The following MPHOSPH10 variants were observed in gnomAD, a reference collection of about 807,000 sequenced individuals.
The protein encoded by MPHOSPH10 is U3 small nucleolar ribonucleoprotein MPP10.
MPHOSPH10 carries 33 observed loss-of-function variants against 77.3 expected under a neutral mutation model. The observed-to-expected ratio is 0.43, with a 90% CI of 0.32 to 0.57. MPHOSPH10 has a LOEUF of 0.57. MPHOSPH10 is among the 20% of genes least tolerant of loss of function. MPHOSPH10 has a pLI of 0.07. For synonymous variants in MPHOSPH10, 245 were observed against 268.0 expected, an observed-to-expected ratio of 0.91 and a Z score of 0.84; for missense variants, 708 against 780.1, an observed-to-expected ratio of 0.91 and a Z score of 1.10.
chr2:71,148,445 C>T, intron 9 of MPHOSPH10: 1 of 195,722 alleles, frequency 5.1e-6, no homozygotes, highest in Non-Finnish European at 1.1e-5. Context: ...AGTTTAGTGT[C>T]AGCATTTCCC....
intron 4 of MPHOSPH10, among the ~76,000 whole-genome samples, chr2:71,138,209 T>G (rs921507403): frequency 2.6e-5 from 4 of 152,200 alleles, no homozygotes; most frequent in African/African-American, 7.2e-5. Context: ...ATAGATCACT[T>G]GAATAGAATA....
chr2:71,149,428 A>G lies in MPHOSPH10; in HGVS notation c.1871A>G (p.Lys624Arg). ...TCGGAGAAGTTAAAACAGCTGACCAAAACTGGCAAAGCTTCCTTCATAAAG... is the reference window on the plus strand; with the variant it reads ...TCGGAGAAGTTAAAACAGCTGACCAGAACTGGCAAAGCTTCCTTCATAAAG... ...VASEKLKQLT[K>R]TGKASFIKDE... The change falls in exon 10 of 11, where the codon AAA (lysine) becomes AGA (arginine). Residue 624 changes from lysine (K) to arginine (R), a missense_variant. This residue lies in a region of MPHOSPH10 where 263 missense variants were observed against 320.0 expected (regional missense o/e 0.82). Transcript: ENST00000244230. 3 of 1,613,916 alleles carry G rather than the reference A, an allele frequency of 1.9e-6. No individual in the cohort carries two copies. Among genetic ancestry groups the G allele is most frequent in the Non-Finnish European group, 2.5e-6 (3 of 1,179,950 alleles).
chr2:71,131,855 T>C (rs1436108964), intron 1 of MPHOSPH10, among the ~76,000 whole-genome samples: 1 of 152,140 alleles, frequency 6.6e-6, no homozygotes, highest in Admixed American at 6.5e-5. Flanking sequence ...ACTGGCTGTT[T>C]TATTTCTTTT....
chr2:71,150,013 T>C lies in MPHOSPH10; in HGVS notation c.2044T>C (p.Ter682GlnextTer7). ...TATTTCTGTTCATAAATTAAAGCTG[T>C]AATATATTTTGAATATAATGTAAAT... ...QDISVHKLKL[*>Q] Residue 682 changes from the stop codon to glutamine, a stop_lost, in exon 11 of 11, where the codon TAA becomes CAA. Coordinates refer to ENST00000244230, the MANE Select transcript of MPHOSPH10 (RefSeq NM_005791.3). The C allele has an allele frequency of 1.6e-6, 2 of 1,272,648 alleles. No homozygotes were observed. Among genetic ancestry groups the C allele is most frequent in the South Asian group, 1.5e-5 (1 of 68,382 alleles). The allele number at this position is 1,272,648 out of a possible 1,614,324, so 78.8% of individuals were successfully genotyped here.
intron 4 of MPHOSPH10, among the ~76,000 whole-genome samples, chr2:71,136,957 C>G (rs1198754346): frequency 8.0e-6 from 1 of 124,794 alleles, no homozygotes; most frequent in Admixed American, 8.9e-5. Context: ...CACACACACA[C>G]ACAGAGCACA....
Position 71,134,679 on chromosome 2 carries a change from G to A in MPHOSPH10, c.980G>A (p.Ser327Asn). Reference protein sequence around the residue: ...ENEDNKQHKESLKRVTFALPD... With the variant: ...ENEDNKQHKENLKRVTFALPD... Reference sequence around the variant, plus strand: ...GAAGACAATAAACAACATAAAGAAAGCTTGAAAAGAGTGACCTTTGCTTTA... The same window carrying A: ...GAAGACAATAAACAACATAAAGAAAACTTGAAAAGAGTGACCTTTGCTTTA... Residue 327 changes from serine (S) to asparagine (N), a missense_variant, in exon 4 of 11, where the codon AGC (serine) becomes AAC (asparagine). By Grantham distance (46) the Ser-to-Asn change is conservative. This residue lies in a region of MPHOSPH10 where 433 missense variants were observed against 432.6 expected (regional missense o/e 1.00). Coordinates refer to ENST00000244230, the MANE Select transcript of MPHOSPH10 (RefSeq NM_005791.3). The A allele has an allele frequency of 6.2e-7, 1 of 1,611,770 alleles. No homozygotes were observed. Among genetic ancestry groups the A allele is most frequent in the Non-Finnish European group, 8.5e-7 (1 of 1,179,196 alleles).
At chr2:71,137,186 T>A (rs1310198528) in intron 4 of MPHOSPH10, among the ~76,000 whole-genome samples, 1 of 152,128 alleles carries the variant, frequency 6.6e-6, no homozygotes. Flanking sequence ...TTTTCACTCC[T>A]AGCGGAATAT....
chr2:71,131,429 CTGTT>C (rs1013249242), intron 1 of MPHOSPH10, among the ~76,000 whole-genome samples: 2 of 152,158 alleles, frequency 1.3e-5, no homozygotes, highest in African/African-American at 4.8e-5. Context: ...GCTGTTGTGT[CTGTT>C]TAATAGAATT....
chr2:71,130,893 C>A, intron 1 of MPHOSPH10, 139 bp downstream of exon 1: 1 of 739,496 alleles, frequency 1.4e-6, no homozygotes, highest in Non-Finnish European at 2.1e-6. Context: ...AGAGTTTATG[C>A]TTTCCTAGGC....
intron 4 of MPHOSPH10, among the ~76,000 whole-genome samples, chr2:71,136,289 G>A (rs1413405245): frequency 3.3e-5 from 5 of 152,174 alleles, no homozygotes; most frequent in Non-Finnish European, 1.5e-5. Context: ...GAGGAGGGAG[G>A]ATTGTTTGGA....
At position 71,133,236 on chromosome 2, in the gene MPHOSPH10, A is replaced by T; in HGVS notation, c.428A>T (p.Asn143Ile). ...GAGGAGGAAGTGTCCGACATGGGTAATGATGATCCTGAAATGGGTGAGAGA... is the reference window on the plus strand; with the variant it reads ...GAGGAGGAAGTGTCCGACATGGGTATTGATGATCCTGAAATGGGTGAGAGA... Reference protein sequence around the residue: ...LEEEEVSDMGNDDPEMGERAE... With the variant: ...LEEEEVSDMGIDDPEMGERAE... Residue 143 changes from asparagine to isoleucine, a missense_variant, in exon 2 of 11, where the codon AAT becomes ATT. Physicochemically the swap from Asn to Ile is moderately radical, Grantham distance 149 (BLOSUM62 -3). Transcript: ENST00000244230. 6.2e-7 allele frequency: 1 copy of T among 1,614,190 alleles called. No individual in the cohort carries two copies.
chr2:71,143,534 T>A (rs1673651343), intron 7 of MPHOSPH10, among the ~76,000 whole-genome samples: 2 of 152,220 alleles, frequency 1.3e-5, no homozygotes, highest in Non-Finnish European at 2.9e-5. Context: ...AGGACAGTGT[T>A]ATGTAACTAC....
chr2:71,134,877 A>C, intron 4 of MPHOSPH10, 80 bp downstream of exon 4: 1 of 1,184,734 alleles, frequency 8.4e-7, no homozygotes, highest in Middle Eastern at 2.9e-4. Context: ...TTTGAAAACA[A>C]ATATCTTGGC....
intron 8 of MPHOSPH10, among the ~76,000 whole-genome samples, chr2:71,146,701 A>G (rs1673717025): frequency 6.6e-6 from 1 of 152,156 alleles, no homozygotes; most frequent in African/African-American, 2.4e-5. Context: ...AGAATGGAAC[A>G]CAGTGTTTTT....
Position 71,132,975 on chromosome 2 carries a change from G to A in MPHOSPH10, c.167G>A (p.Gly56Asp), listed in dbSNP as rs780619664. The A allele has an allele frequency of 6.2e-7, 1 of 1,614,040 alleles. No homozygotes were observed. The highest frequency in any genetic ancestry group is 1.7e-5 in the Admixed American group (1 of 60,002). Residue 56 changes from glycine to aspartate, a missense_variant, in exon 2 of 11, where the codon GGT becomes GAT. By Grantham distance (94) the Gly-to-Asp change is moderately conservative. Around this residue, in one of 3 missense-constraint regions of MPHOSPH10, gnomAD observed 433 missense variants for 432.6 expected, o/e 1.00. Transcript: ENST00000244230. Reference sequence around the variant, plus strand: ...GACTTTAATAAAATATTAGAGAATGGTAGGATCCATGGAAGCCCCTTGCAA... The same window carrying A: ...GACTTTAATAAAATATTAGAGAATGATAGGATCCATGGAAGCCCCTTGCAA... ...LYDFNKILEN[G>D]RIHGSPLQKL... is the part of the protein sequence containing the mutation.
intron 4 of MPHOSPH10, 128 bp downstream of exon 4, chr2:71,134,925 G>A: frequency 1.4e-6 from 1 of 722,802 alleles, no homozygotes; most frequent in South Asian, 1.9e-5. Context: ...CTAACACTTT[G>A]GTAGTCCAAA....
chr2:71,148,240 A>G (rs1673755447), intron 9 of MPHOSPH10, 134 bp downstream of exon 9: 1 of 694,048 alleles, frequency 1.4e-6, no homozygotes, highest in African/African-American at 1.8e-5. Flanking sequence ...TCTAAGTATA[A>G]GCAAACTAGT....
chr2:71,139,973 C>A, intron 6 of MPHOSPH10, 111 bp downstream of exon 6: 1 of 775,524 alleles, frequency 1.3e-6, no homozygotes, highest in Non-Finnish European at 2.1e-6. Flanking sequence ...TTAGTGTTCA[C>A]AAACCTTAAA....
Position 71,138,629 on chromosome 2 carries a change from T to C in MPHOSPH10, c.1238T>C (p.Met413Thr). 6.2e-7 allele frequency: 1 copy of C among 1,614,164 alleles called. No individual in the cohort carries two copies. The change falls in exon 5 of 11, where the codon ATG becomes ACG. Residue 413 changes from methionine (M) to threonine (T), a missense_variant and splice_region_variant. By Grantham distance (81) the Met-to-Thr change is moderately conservative (BLOSUM62 -1). This residue lies in a region of MPHOSPH10 where 263 missense variants were observed against 320.0 expected (regional missense o/e 0.82). Coordinates refer to ENST00000244230, the MANE Select transcript of MPHOSPH10 (RefSeq NM_005791.3). ...CTACACTTTGACCATGCTGTCCGGA[T>C]GGGTATGGTGCCCTCTTCTGTAGTT... Reference protein sequence around the residue: ...ETLHFDHAVRMAPVITEETTL... With the variant: ...ETLHFDHAVRTAPVITEETTL...
Sources: allele counts gnomAD v4.1 joint callset (sites outside exome capture counted in the v4.1 genomes callset), GRCh38; gene constraint gnomAD v4.1.1; regional missense constraint gnomAD v4.1.1; transcripts MANE v1.5; gene names NCBI Gene and HGNC (gene_info 2026-07-23, HGNC 2026-07-21).